Variants in ART1 observed in about 807,000 individuals in gnomAD.
The protein encoded by ART1 is ADP-ribosyltransferase 1.
In ART1, 29 loss-of-function variants were observed where a neutral mutation model predicts 27.0. That is an observed-to-expected ratio of 1.08 (90% confidence interval 0.80 to 1.47). The LOEUF (loss-of-function observed/expected upper bound fraction) is 1.47, where lower values mean the gene tolerates loss of function less well. ART1 is among the 40% of genes most tolerant of loss of function. The pLI is 0.00. For missense variants in ART1, 480 were observed against 423.0 expected, an observed-to-expected ratio of 1.13 and a Z score of -1.18; for synonymous variants, 201 against 172.2, an observed-to-expected ratio of 1.17 and a Z score of -1.31.
Position 3,664,304 on chromosome 11 carries a change from G to C in ART1, c.*115G>C. On this transcript the variant is annotated 3_prime_UTR_variant, in exon 5 of 5. Transcript: ENST00000250693. Reference sequence around the variant, plus strand: ...TCAATCCCATCTGCAGGGAACTCTGGGACCTTCTCTGGTAGCTGCCAGACC... The same window carrying C: ...TCAATCCCATCTGCAGGGAACTCTGCGACCTTCTCTGGTAGCTGCCAGACC... 1 of 1,021,162 alleles carries C rather than the reference G, an allele frequency of 9.8e-7. No individual in the cohort carries two copies. 63.3% of individuals were successfully genotyped at this position (1,021,162 alleles called of 1,614,324 possible).
rs543070619 is a variant in ART1, at chr11:3,645,832, C to T, written c.-53+653C>T. 1.3e-4 allele frequency among the ~76,000 whole-genome samples: 20 copies of T among 152,250 alleles called. No homozygotes were observed. The South Asian group carries it at 2.7e-3, about 21-fold the overall frequency. ...AGGGCTTCCTGGAGGAGGTGGCCCT[C>T]GGGTTAAGCCTTGAAGAGTAGGTAT... On this transcript the variant is annotated intron_variant, in intron 1 of 4. Transcript: ENST00000250693.
chr11:3,656,857 A>G (rs2077580168), intron 1 of ART1, among the ~76,000 whole-genome samples: 1 of 152,182 alleles, frequency 6.6e-6, no homozygotes, highest in African/African-American at 2.4e-5. Context: ...AACAAAAAAA[A>G]TTGTTGAATA....
chr11:3,648,806 T>C (rs1389755647), intron 1 of ART1, among the ~76,000 whole-genome samples: 2 of 152,010 alleles, frequency 1.3e-5, no homozygotes, highest in Admixed American at 6.5e-5. Flanking sequence ...CCAACCCCTT[T>C]TCTCTGTGTC....
At chr11:3,653,243 C>G (rs899643717) in intron 1 of ART1, among the ~76,000 whole-genome samples, 2 of 148,562 alleles carry the variant, frequency 1.3e-5, no homozygotes, top group African/African-American at 5.2e-5. Flanking sequence ...GGCCTCTGAG[C>G]CGAAGCTAAG....
chr11:3,654,978 G>A (rs879347570), intron 1 of ART1, among the ~76,000 whole-genome samples: 1 of 152,220 alleles, frequency 6.6e-6, no homozygotes, highest in East Asian at 1.9e-4. Flanking sequence ...GTGGGCTTTT[G>A]CTGCATAACT....
intron 1 of ART1, among the ~76,000 whole-genome samples, chr11:3,653,315 T>C (rs2077541668): frequency 6.7e-6 from 1 of 148,688 alleles, no homozygotes; most frequent in Admixed American, 6.6e-5. Context: ...CCTTAACTGA[T>C]GACATTCCAC....
intron 1 of ART1, among the ~76,000 whole-genome samples, chr11:3,645,953 G>A (rs1368362862): frequency 2.6e-5 from 4 of 152,160 alleles, no homozygotes; most frequent in Non-Finnish European, 5.9e-5. Flanking sequence ...CTGCACTACA[G>A]AAGCCAAGCA....
chr11:3,661,288 A>G, intron 3 of ART1, 84 bp from the exon 4 acceptor site: 2 of 1,269,288 alleles, frequency 1.6e-6, no homozygotes, highest in South Asian at 2.7e-5. Flanking sequence ...AGAACAAGTC[A>G]GGGATGGACT....
At chr11:3,651,816 C>T (rs903864535) in intron 1 of ART1, among the ~76,000 whole-genome samples, 2 of 151,710 alleles carry the variant, frequency 1.3e-5, no homozygotes, top group East Asian at 3.9e-4. Context: ...TGATACCACA[C>T]CTGACCCCCA....
chr11:3,660,057 G>C lies in ART1; in HGVS notation c.538G>C (p.Gly180Arg). The change falls in exon 3 of 5, where the codon GGT becomes CGT. Residue 180 changes from glycine to arginine, a missense_variant. Gly to Arg is a moderately radical substitution (Grantham distance 125). Transcript: ENST00000250693. ...ACCCCGGTGCCACCAGGTGTTCCGA[G>C]GTGTGCACGGCCTGCGCTTCCGGCC... ...RPPRCHQVFRGVHGLRFRPAG... is the reference protein window; with the variant it reads ...RPPRCHQVFRRVHGLRFRPAG... The C allele has an allele frequency of 6.2e-7, 1 of 1,613,682 alleles. No individual in the cohort carries two copies. The highest frequency in any genetic ancestry group is 8.5e-7 in the Non-Finnish European group (1 of 1,179,952).
chr11:3,657,586 C>A (rs561779778), intron 1 of ART1, among the ~76,000 whole-genome samples: 11 of 152,026 alleles, frequency 7.2e-5, no homozygotes, highest in Non-Finnish European at 1.5e-4. Context: ...AACAAACAAA[C>A]AAAGTAGATA....
intron 3 of ART1, among the ~76,000 whole-genome samples, chr11:3,660,946 C>A (rs2077615182): frequency 6.6e-6 from 1 of 152,174 alleles, no homozygotes; most frequent in African/African-American, 2.4e-5. Context: ...AGAAGAAGAA[C>A]CATGAGGATG....
intron 1 of ART1, among the ~76,000 whole-genome samples, chr11:3,646,268 T>C (rs2077469372): frequency 6.6e-6 from 1 of 151,746 alleles, no homozygotes; most frequent in Non-Finnish European, 1.5e-5. Context: ...GGCGGGGAGA[T>C]CAGCGAGGAG....
At chr11:3,658,695 C>T (rs115018040) in intron 1 of ART1, among the ~76,000 whole-genome samples, 1,532 of 152,264 alleles carry the variant, frequency 0.01, 22 homozygotes, top group African/African-American at 0.032. Flanking sequence ...CTGAACACTC[C>T]TGGATCTGCC....
At chr11:3,663,107 A>ATCTCC (rs749927026) in intron 4 of ART1, among the ~76,000 whole-genome samples, 1 of 124,072 alleles carries the variant, frequency 8.1e-6, no homozygotes. Flanking sequence ...ATCTCATCTC[A>ATCTCC]TCTCATCTCA....
At chr11:3,660,463 G>T in intron 3 of ART1, 100 bp downstream of exon 3, 2 of 1,364,042 alleles carry the variant, frequency 1.5e-6, no homozygotes, top group Non-Finnish European at 2.0e-6. Flanking sequence ...TGTGTCCCAG[G>T]GATACATAAA....
Position 3,660,363 on chromosome 11 carries a change from G to T in ART1, c.844G>T (p.Asp282Tyr). Residue 282 changes from aspartate to tyrosine, a missense_variant and splice_region_variant, in exon 3 of 5, where the codon GAC becomes TAC. Physicochemically the swap from Asp to Tyr is radical, Grantham distance 160. Coordinates refer to ENST00000250693, the MANE Select transcript of ART1 (RefSeq NM_004314.3). ...HSTYNCEYIK[D>Y]KKCKSGPCHL... ...CACCTACAACTGCGAGTACATCAAA[G>T]GTAGGAGGGCAAGCGCTGGTCGGCA... 1 of 1,596,996 alleles carries T rather than the reference G, an allele frequency of 6.3e-7. No individual in the cohort carries two copies. Among genetic ancestry groups the T allele is most frequent in the Non-Finnish European group, 8.5e-7 (1 of 1,176,446 alleles).
intron 1 of ART1, among the ~76,000 whole-genome samples, chr11:3,653,865 C>T (rs1159284994): frequency 1.3e-4 from 4 of 30,940 alleles, no homozygotes; most frequent in African/African-American, 4.4e-4. Context: ...TCTGTCTATC[C>T]TCACTGCCAT....
At position 3,664,221 on chromosome 11, in the gene ART1, C is replaced by T; in HGVS notation, c.*32C>T. The T allele has an allele frequency of 1.3e-6, 2 of 1,598,106 alleles. No homozygotes were observed. The highest frequency in any genetic ancestry group is 8.6e-7 in the Non-Finnish European group (1 of 1,167,480). On this transcript the variant is annotated 3_prime_UTR_variant, in exon 5 of 5. Coordinates refer to ENST00000250693, the MANE Select transcript of ART1 (RefSeq NM_004314.3). ...AGACACGGGACAGCCTCGCCTGCTG[C>T]CTCTGCCCATCCTGAGGATGTTGGC...
Sources: gnomAD v4.1 joint callset for allele counts (sites outside exome capture counted in the v4.1 genomes callset) on GRCh38, gnomAD v4.1.1 for gene constraint, MANE v1.5 for transcripts, NCBI Gene and HGNC (gene_info 2026-07-23, HGNC 2026-07-21) for gene names.